Variants in DNAJB1 observed in about 807,000 individuals in gnomAD.
The protein encoded by DNAJB1 is DnaJ heat shock protein family (Hsp40) member B1.
In DNAJB1, 14 loss-of-function variants were observed where a neutral mutation model predicts 24.0. That is an observed-to-expected ratio of 0.58 (90% confidence interval 0.39 to 0.91). The LOEUF (loss-of-function observed/expected upper bound fraction) is 0.91. DNAJB1 is among the 40% of genes least tolerant of loss of function. The pLI, the probability that DNAJB1 is intolerant of heterozygous loss-of-function variation, is 0.00. For synonymous variants in DNAJB1, 262 were observed against 174.4 expected (o/e 1.50, Z -3.96); for missense variants, 517 against 458.1 (o/e 1.13, Z -1.17).
chr19:14,540,039 C>A (rs141941007), intron 1 of DNAJB1, among the ~76,000 whole-genome samples: 11 of 151,044 alleles, frequency 7.3e-5, no homozygotes, highest in Non-Finnish European at 1.3e-4. Context: ...GCCACCATGC[C>A]TGGCTAATTT....
At chr19:14,523,489 T>C (rs1005090981) in intron 2 of DNAJB1, among the ~76,000 whole-genome samples, 2 of 151,626 alleles carry the variant, frequency 1.3e-5, no homozygotes, top group South Asian at 4.2e-4. Flanking sequence ...AATTTTTGTA[T>C]TTTTAGTAGA....
intron 1 of DNAJB1, among the ~76,000 whole-genome samples, chr19:14,542,989 CTTTTTTT>C (rs572624462): frequency 9.8e-6 from 1 of 102,242 alleles, no homozygotes; most frequent in Non-Finnish European, 2.0e-5. Flanking sequence ...CTTCCAAATT[CTTTTTTT>C]TTTTTTTTTC....
intron 1 of DNAJB1, among the ~76,000 whole-genome samples, chr19:14,528,525 A>G (rs2146538775): frequency 6.6e-6 from 1 of 151,992 alleles, no homozygotes; most frequent in East Asian, 1.9e-4. Context: ...GGTGTGAGCC[A>G]TCGTTCCCGG....
upstream of DNAJB1, chr19:14,530,056 G>C (rs1331174938): frequency 1.2e-5 from 5 of 429,380 alleles, no homozygotes; most frequent in Non-Finnish European, 2.2e-5. Context: ...CTCCCAATCC[G>C]AGGGAGTCTT....
chr19:14,549,602 C>T (rs2073424614), intron 1 of DNAJB1, among the ~76,000 whole-genome samples: 1 of 151,656 alleles, frequency 6.6e-6, no homozygotes, highest in East Asian at 2.0e-4. Context: ...GCTGGGATTA[C>T]AGGCATGAGC....
intron 1 of DNAJB1, among the ~76,000 whole-genome samples, chr19:14,534,956 T>C (rs1438808747): frequency 6.6e-6 from 1 of 152,170 alleles, no homozygotes; most frequent in Non-Finnish European, 1.5e-5. Context: ...TGCTGTGTTC[T>C]GAGGACAGAG....
At chr19:14,556,402 C>T (rs2073722111) in intron 1 of DNAJB1, among the ~76,000 whole-genome samples, 1 of 76,454 alleles carries the variant, frequency 1.3e-5, no homozygotes, top group East Asian at 2.7e-4. Flanking sequence ...GACAGCGAGA[C>T]TCTCTCAAAA....
intron 2 of DNAJB1, 104 bp from the exon 3 acceptor site, chr19:14,516,274 T>C: frequency 7.2e-7 from 1 of 1,380,714 alleles, no homozygotes; most frequent in Non-Finnish European, 9.9e-7. Flanking sequence ...CCTCTGCAGC[T>C]AAGACCTGGC....
At chr19:14,518,058 G>T in intron 1 of DNAJB1, 81 bp downstream of exon 1, 1 of 1,332,392 alleles carries the variant, frequency 7.5e-7, no homozygotes, top group Non-Finnish European at 9.7e-7. Flanking sequence ...CCTTCCCGGG[G>T]GGCCGCCGAG....
chr19:14,545,356 A>G (rs997609630), intron 1 of DNAJB1, among the ~76,000 whole-genome samples: 2 of 151,944 alleles, frequency 1.3e-5, no homozygotes, highest in Non-Finnish European at 2.9e-5. Flanking sequence ...CTGAAATCCC[A>G]TTTCCTCAGC....
chr19:14,526,113 C>T (rs1162628781), intron 2 of DNAJB1, among the ~76,000 whole-genome samples: 2 of 152,180 alleles, frequency 1.3e-5, no homozygotes, highest in Non-Finnish European at 2.9e-5. Flanking sequence ...GTCTCGGGTT[C>T]CCCCCAAACC....
At chr19:14,522,671 G>GAC (rs1185246122), upstream of DNAJB1, among the ~76,000 whole-genome samples, 4 of 63,084 alleles carry the variant, frequency 6.3e-5, 1 homozygote, top group East Asian at 1.4e-3. Context: ...CACAAACACA[G>GAC]ACACACACAC....
At chr19:14,535,368 TGTG>T (rs2072824820) in intron 1 of DNAJB1, among the ~76,000 whole-genome samples, 1 of 149,080 alleles carries the variant, frequency 6.7e-6, no homozygotes, top group African/African-American at 2.5e-5. Flanking sequence ...GTTAGCTGAG[TGTG>T]GTGGTGGGTA....
chr19:14,530,735 G>A (rs1002879658), upstream of DNAJB1: 1 of 152,096 alleles, frequency 6.6e-6, no homozygotes, highest in Non-Finnish European at 1.5e-5. Context: ...CAGGTCGAGC[G>A]ATTTCTTGTT....
rs2072266154 is a variant in DNAJB1, at chr19:14,516,544, A to G, written c.714T>C (p.Val238=). 6.2e-7 allele frequency: 1 copy of G among 1,614,176 alleles called. No homozygotes were observed. Among genetic ancestry groups the G allele is most frequent in the Admixed American group, 1.7e-5 (1 of 60,014 alleles). ...AGATATTGTGGGGCTTGTCCTTTAA[A>G]ACAAAGACGATATCAGCTGGAATGT... ...SNNIPADIVF[V]LKDKPHNIFK... is the part of the protein sequence containing the mutation. Residue 238 remains valine, a synonymous_variant, in exon 2 of 3, where the codon GTT becomes GTC. Transcript: ENST00000254322.
Position 14,516,153 on chromosome 19 carries a change from T to C in DNAJB1, c.810A>G (p.Thr270=). The change falls in exon 3 of 3, where the codon ACA becomes ACG. Residue 270 remains threonine (T), a synonymous_variant. Coordinates refer to ENST00000254322, the MANE Select transcript of DNAJB1 (RefSeq NM_006145.3). ...TGCCGTCCAGAGTGGGGACGTTCAC[T>C]GTGCAGCCACACAGAGCCTTGAAAA... The part of the protein sequence containing the change: ...ISLREALCGC[T]VNVPTLDGRT... The C allele has an allele frequency of 6.2e-7, 1 of 1,613,430 alleles. No homozygotes were observed. Among genetic ancestry groups the C allele is most frequent in the Non-Finnish European group, 8.5e-7 (1 of 1,179,892 alleles).
intron 1 of DNAJB1, among the ~76,000 whole-genome samples, chr19:14,528,649 G>C (rs1020103538): frequency 2.6e-5 from 4 of 152,070 alleles, no homozygotes; most frequent in Admixed American, 2.0e-4. Flanking sequence ...GGAGCAAAGT[G>C]TGGAGGGGGG....
chr19:14,517,998 G>T, intron 1 of DNAJB1, 141 bp downstream of exon 1: 1 of 922,524 alleles, frequency 1.1e-6, no homozygotes, highest in Non-Finnish European at 1.5e-6. Context: ...CGAGGGCGGA[G>T]GCCCGCGAGG....
upstream of DNAJB1, among the ~76,000 whole-genome samples, chr19:14,534,596 C>T (rs534351938): frequency 2.9e-4 from 44 of 151,628 alleles, no homozygotes; most frequent in East Asian, 5.8e-4. Context: ...CCACCATGCC[C>T]GGCTAATTTC....
Sources: gnomAD v4.1 joint callset for allele counts (sites outside exome capture counted in the v4.1 genomes callset) on GRCh38, gnomAD v4.1.1 for gene constraint, MANE v1.5 for transcripts, NCBI Gene and HGNC (gene_info 2026-07-23, HGNC 2026-07-21) for gene names.